PCDHGB7: variants seen among roughly 807,000 people sequenced by gnomAD.
PCDHGB7 encodes the protein protocadherin gamma subfamily B, 7.
Under a neutral mutation model 61.4 loss-of-function variants are expected in PCDHGB7, and 37 were observed. That is an observed-to-expected ratio of 0.60 (90% CI 0.46 to 0.79). The LOEUF (loss-of-function observed/expected upper bound fraction) is 0.79. Ranked by LOEUF, PCDHGB7 falls within the 30% of genes least tolerant of loss-of-function variation. The pLI is 0.00. For missense variants in PCDHGB7, 1,166 were observed against 1,202.5 expected, an observed-to-expected ratio of 0.97 and a Z score of 0.45; for synonymous variants, 464 against 503.5, an observed-to-expected ratio of 0.92 and a Z score of 1.05.
chr5:141,496,021 G>C lies in PCDHGB7; in HGVS notation c.2474+1156G>C, dbSNP rs1011612662. Among the ~76,000 whole-genome samples, 3 of 151,454 alleles carry C rather than the reference G, an allele frequency of 2.0e-5. No individual in the cohort carries two copies. The East Asian group carries it at 5.8e-4, about 29-fold the overall frequency. ...CTTTTATCTTGTCTTTTTTCTCTGA[G>C]CCTCTGTCTCTGTCTCTCATTTTTT... On this transcript the variant is annotated intron_variant, in intron 2 of 3. Coordinates refer to ENST00000398594, the MANE Select transcript of PCDHGB7 (RefSeq NM_018927.4).
At chr5:141,438,631 TATATACAC>T (rs1213304454) in intron 1 of PCDHGB7, among the ~76,000 whole-genome samples, 683 of 43,114 alleles carry the variant, frequency 0.016, 2 homozygotes, top group African/African-American at 0.049. Context: ...TATATATATA[TATATACAC>T]ACACACACAC....
chr5:141,433,042 G>C (rs752612411), intron 1 of PCDHGB7: 6 of 1,614,142 alleles, frequency 3.7e-6, no homozygotes, highest in Non-Finnish European at 5.1e-6. Flanking sequence ...CCCTCACCAC[G>C]GACTCGCGGA....
intron 1 of PCDHGB7, chr5:141,422,528 C>T: frequency 5.0e-6 from 8 of 1,614,018 alleles, no homozygotes; most frequent in Non-Finnish European, 5.1e-6. Flanking sequence ...CCGCCTTTGT[C>T]TGCAGAAACT....
chr5:141,426,909 G>A (rs1293364217), intron 1 of PCDHGB7: 1 of 456,744 alleles, frequency 2.2e-6, no homozygotes, highest in Non-Finnish European at 4.4e-6. Flanking sequence ...TCATCTCCTG[G>A]TCCTGGAAGC....
At chr5:141,429,045 G>C (rs919761577) in intron 1 of PCDHGB7, 15 of 151,954 alleles carry the variant, frequency 9.9e-5, no homozygotes, top group African/African-American at 2.9e-4. Context: ...TAGTACAGAC[G>C]GGGTTTCACC....
At chr5:141,444,873 C>T (rs1298516499) in intron 1 of PCDHGB7, among the ~76,000 whole-genome samples, 1 of 152,080 alleles carries the variant, frequency 6.6e-6, no homozygotes, top group African/African-American at 2.4e-5. Flanking sequence ...CAGGACAAAG[C>T]TTGTAGGATT....
At chr5:141,502,815 TTTCC>T in intron 2 of PCDHGB7, among the ~76,000 whole-genome samples, 1 of 151,372 alleles carries the variant, frequency 6.6e-6, no homozygotes, top group East Asian at 1.9e-4. Context: ...TTCACTGTCT[TTTCC>T]TTGGGGAAGC....
intron 1 of PCDHGB7, among the ~76,000 whole-genome samples, chr5:141,464,888 GCCACCATGT>G (rs1351812446): frequency 6.6e-6 from 1 of 152,000 alleles, no homozygotes; most frequent in East Asian, 1.9e-4. Context: ...ACAGATGGAT[GCCACCATGT>G]CCAGCTAATT....
intron 1 of PCDHGB7, among the ~76,000 whole-genome samples, chr5:141,463,527 G>C (rs12109431): frequency 1.5e-5 from 2 of 131,102 alleles, no homozygotes; most frequent in Non-Finnish European, 3.1e-5. Context: ...CGGCTTACTA[G>C]AAACTCCGGC....
chr5:141,435,733 T>C (rs950139563), intron 1 of PCDHGB7, among the ~76,000 whole-genome samples: 12 of 152,208 alleles, frequency 7.9e-5, no homozygotes, highest in African/African-American at 2.7e-4. Context: ...AGTGTATTAC[T>C]CTTTGAAAAG....
intron 1 of PCDHGB7, among the ~76,000 whole-genome samples, chr5:141,447,303 C>G (rs1328783075): frequency 6.6e-6 from 1 of 151,990 alleles, no homozygotes; most frequent in Non-Finnish European, 1.5e-5. Context: ...CCACACCCGG[C>G]TAATTTTTGT....
rs773763605 is a variant in PCDHGB7, at chr5:141,476,631, A to G, written c.2416-18176A>G. On this transcript the variant is annotated intron_variant, in intron 1 of 3. Transcript: ENST00000398594. The surrounding 1 kb of genome is among the most constrained non-coding windows in gnomAD (Gnocchi z 7.6). ...GTGGGAAGCAACTCTTTACAAACCT[A>G]TGAGCTGAGCCGAAATGAATACTTT... The G allele has an allele frequency of 2.5e-6, 4 of 1,614,224 alleles. No individual in the cohort carries two copies. Among genetic ancestry groups the G allele is most frequent in the Admixed American group, 1.7e-5 (1 of 60,032 alleles).
At chr5:141,509,670 T>G (rs2099877782) in intron 3 of PCDHGB7, among the ~76,000 whole-genome samples, 1 of 152,136 alleles carries the variant, frequency 6.6e-6, no homozygotes, top group African/African-American at 2.4e-5. Flanking sequence ...TGGGCCCCAG[T>G]TTCTTCTTCT....
At chr5:141,469,511 G>T (rs2099203340) in intron 1 of PCDHGB7, among the ~76,000 whole-genome samples, 2 of 152,038 alleles carry the variant, frequency 1.3e-5, no homozygotes, top group South Asian at 2.1e-4. Flanking sequence ...GGAGGTGGAG[G>T]TTGCAGTGAG....
intron 1 of PCDHGB7, among the ~76,000 whole-genome samples, chr5:141,463,438 C>CTTTTTTTTT (rs71576115): frequency 4.8e-5 from 5 of 103,252 alleles, no homozygotes; most frequent in African/African-American, 2.2e-4. Context: ...TTTCCTTCTC[C>CTTTTTTTTT]TTTTTTTTTT....
At chr5:141,465,284 A>C (rs2099100147) in intron 1 of PCDHGB7, among the ~76,000 whole-genome samples, 1 of 152,176 alleles carries the variant, frequency 6.6e-6, no homozygotes, top group African/African-American at 2.4e-5. Flanking sequence ...TTCACCCCTA[A>C]AGAACTGAGA....
rs183549806 is a variant in PCDHGB7 at position 141,487,760 on chromosome 5, G to A, written c.2416-7047G>A. ...TGTAAGAGGTAACTATGTGGTAGAC[G>A]CTGTGCTTTGTAACTGTTTCGTGAA... On this transcript the variant is annotated intron_variant, in intron 1 of 3. Transcript: ENST00000398594. The surrounding 1 kb of genome is among the most constrained non-coding windows in gnomAD (Gnocchi z 5.0). 42 of 1,545,950 alleles carry A rather than the reference G, an allele frequency of 2.7e-5. No homozygotes were observed. The African/African-American group carries it at 3.8e-4, about 14-fold the overall frequency.
intron 1 of PCDHGB7, among the ~76,000 whole-genome samples, chr5:141,429,377 G>GT (rs566693637): frequency 0.17 from 24,737 of 149,382 alleles, 2,566 homozygotes; most frequent in African/African-American, 0.31. Context: ...GAGAAAATGT[G>GT]TTTTTTTTTT....
chr5:141,428,056 C>T (rs2097104330), intron 1 of PCDHGB7: 3 of 1,609,000 alleles, frequency 1.9e-6, no homozygotes, highest in African/African-American at 1.3e-5. Flanking sequence ...AAGGTGGTGG[C>T]GGTGGACGCA....
Sources: gnomAD v4.1 joint callset for allele counts (sites outside exome capture counted in the v4.1 genomes callset) on GRCh38, gnomAD v4.1.1 for gene constraint, Gnocchi (gnomAD v3.1) non-coding constraint, MANE v1.5 for transcripts, NCBI Gene and HGNC (gene_info 2026-07-23, HGNC 2026-07-21) for gene names.